TET1: variants seen among roughly 807,000 people sequenced by gnomAD.
TET1 encodes tet methylcytosine dioxygenase 1.
A neutral mutation model predicts 148.7 loss-of-function variants in TET1; 13 were observed. That is an observed-to-expected ratio of 0.09 (90% CI 0.06 to 0.14). TET1 has a LOEUF of 0.14. Ranked by LOEUF, TET1 falls within the 10% of genes least tolerant of loss-of-function variation. TET1 has a pLI of 1.00. For synonymous variants in TET1, 907 were observed against 937.2 expected (o/e 0.97, Z 0.59); for missense variants, 2,182 against 2,553.8 (o/e 0.85, Z 3.14).
chr10:68,689,312 A>G (rs1296660675), intron 11 of TET1, among the ~76,000 whole-genome samples: 1 of 152,196 alleles, frequency 6.6e-6, no homozygotes, highest in Non-Finnish European at 1.5e-5. Flanking sequence ...TTATATTATC[A>G]ATTTATTATA....
At chr10:68,649,957 A>AAAAGTTACT (rs2054907391) in intron 4 of TET1, among the ~76,000 whole-genome samples, 2 of 152,214 alleles carry the variant, frequency 1.3e-5, no homozygotes, top group Non-Finnish European at 2.9e-5. Context: ...CAGAGAAACA[A>AAAAGTTACT]AAAGTTACTT....
chr10:68,626,902 C>T (rs544723276), intron 3 of TET1, among the ~76,000 whole-genome samples: 1 of 152,096 alleles, frequency 6.6e-6, no homozygotes, highest in East Asian at 1.9e-4. Flanking sequence ...ATTCTATCGC[C>T]GAGGTTTAAA....
At chr10:68,651,672 A>C (rs1251655034) in intron 4 of TET1, among the ~76,000 whole-genome samples, 174 bp from the exon 5 acceptor site, 1 of 152,100 alleles carries the variant, frequency 6.6e-6, no homozygotes, top group East Asian at 1.9e-4. Flanking sequence ...AAGGAACATT[A>C]AAAGTTAAAT....
At chr10:68,606,953 C>T (rs908340985) in intron 3 of TET1, among the ~76,000 whole-genome samples, 2 of 152,132 alleles carry the variant, frequency 1.3e-5, no homozygotes, top group Admixed American at 1.3e-4. Context: ...AACTGTAATA[C>T]AGCATTTTGC....
intron 4 of TET1, among the ~76,000 whole-genome samples, chr10:68,650,025 G>A (rs1398733842): frequency 6.6e-6 from 1 of 152,158 alleles, no homozygotes; most frequent in Non-Finnish European, 1.5e-5. Context: ...TGAGGGTAAA[G>A]AATTTCCATG....
chr10:68,679,940 C>T (rs2055414240), intron 8 of TET1, among the ~76,000 whole-genome samples: 2 of 152,168 alleles, frequency 1.3e-5, no homozygotes, highest in Non-Finnish European at 2.9e-5. Context: ...TCCCAAAGTG[C>T]TGGGATTACA....
chr10:68,621,921 CT>C lies in TET1; in HGVS notation c.1968+20895del, dbSNP rs577660939. Among the ~76,000 whole-genome samples, 463 of 151,882 alleles carry C rather than the reference CT, an allele frequency of 3.0e-3. 2 individuals are homozygous for C. The highest frequency in any genetic ancestry group is 5.4e-3 in the Non-Finnish European group (367 of 67,930). ...TAAACTGAGATAGTTATATGTTTGTCTTTTTTTTATTTGGATATCATTTGAT... is the reference window on the plus strand; with the variant it reads ...TAAACTGAGATAGTTATATGTTTGTCTTTTTTTATTTGGATATCATTTGAT... On this transcript the variant is annotated intron_variant, in intron 3 of 11. Coordinates refer to ENST00000373644, the MANE Select transcript of TET1 (RefSeq NM_030625.3).
In TET1 at chr10:68,569,166, C is replaced by CTTTTTTTTTTTTTT. The variant is rs34385747; in HGVS notation, c.-122-3040_-122-3027dup. The stretch of plus-strand genomic sequence containing the variant: ...GCTGGATCTCCAGGCAGGAGAGTTT[C>CTTTTTTTTTTTTTT]TTTTTTTTTTTTTTTTTTTTTTTTG... On this transcript the variant is annotated intron_variant, in intron 1 of 11. Coordinates refer to ENST00000373644, the MANE Select transcript of TET1 (RefSeq NM_030625.3). Among the ~76,000 whole-genome samples the CTTTTTTTTTTTTTT allele has an allele frequency of 1.7e-3, 116 of 69,778 alleles. 4 individuals carry two copies. Among genetic ancestry groups the CTTTTTTTTTTTTTT allele is most frequent in the Non-Finnish European group, 2.4e-3 (92 of 37,796 alleles). The allele number at this position is 69,778 out of a possible 152,430, so 45.8% of individuals were successfully genotyped here. A position where few individuals can be genotyped will look rare whatever the true frequency, so the allele number is the denominator to read the frequency against.
At chr10:68,686,849 AAGTGACCCATC>A (rs2055518773) in intron 11 of TET1, 142 bp downstream of exon 11, 1 of 772,170 alleles carries the variant, frequency 1.3e-6, no homozygotes, top group Non-Finnish European at 2.0e-6. Flanking sequence ...GTCAACAAAA[AAGTGACCCATC>A]AGTATTTCTT....
intron 3 of TET1, among the ~76,000 whole-genome samples, chr10:68,615,595 C>A (rs147332610): frequency 9.2e-5 from 14 of 151,756 alleles, no homozygotes; most frequent in African/African-American, 3.1e-4. Context: ...ATCCACCTGC[C>A]TCGGCCTCCC....
chr10:68,626,641 C>T (rs948789757), intron 3 of TET1, among the ~76,000 whole-genome samples: 1 of 152,034 alleles, frequency 6.6e-6, no homozygotes, highest in African/African-American at 2.4e-5. Context: ...ACCTCTGCCT[C>T]CTGGGTTCAA....
At chr10:68,659,705 T>A (rs763329585) in intron 6 of TET1, among the ~76,000 whole-genome samples, 4 of 152,224 alleles carry the variant, frequency 2.6e-5, no homozygotes, top group Non-Finnish European at 5.9e-5. Context: ...TTAGTTTGTT[T>A]ACTTGCTTAT....
intron 2 of TET1, among the ~76,000 whole-genome samples, chr10:68,586,641 G>GTTT (rs34588085): frequency 7.0e-6 from 1 of 142,006 alleles, no homozygotes; most frequent in Non-Finnish European, 1.5e-5. Flanking sequence ...CCTCACATCA[G>GTTT]TTTTTTTTTT....
chr10:68,600,337 G>A (rs530891938), intron 2 of TET1, among the ~76,000 whole-genome samples: 94 of 152,254 alleles, frequency 6.2e-4, no homozygotes, highest in Non-Finnish European at 1.2e-3. Context: ...TCCAATGGTG[G>A]TGACCTGGGG....
At chr10:68,605,923 G>C (rs2054117222) in intron 3 of TET1, among the ~76,000 whole-genome samples, 1 of 152,188 alleles carries the variant, frequency 6.6e-6, no homozygotes, top group Non-Finnish European at 1.5e-5. Flanking sequence ...CTGAGGTCTT[G>C]CCGTGCTGCC....
Position 68,646,624 on chromosome 10 carries a change from T to C in TET1, c.3895T>C (p.Leu1299=). The change falls in exon 4 of 12, where the codon TTG becomes CTG. Residue 1299 remains leucine (L), a synonymous_variant. Transcript: ENST00000373644. ...GAATGCCAATCAGAAAGCCCATCCT[T>C]TGACCCAGCCCTCCTCTCCACCTAA... is the stretch of plus-strand genomic sequence containing the variant. The part of the protein sequence containing the change: ...TVNANQKAHP[L]TQPSSPPNQC... 1 of 1,614,172 alleles carries C rather than the reference T, an allele frequency of 6.2e-7. No homozygotes were observed. The highest frequency in any genetic ancestry group is 1.3e-5 in the African/African-American group (1 of 75,054).
At chr10:68,685,789 T>G (rs1248584245) in intron 10 of TET1, among the ~76,000 whole-genome samples, 3 of 152,156 alleles carry the variant, frequency 2.0e-5, no homozygotes, top group African/African-American at 7.2e-5. Context: ...TTTATTGATA[T>G]GGCTCCTCAC....
At chr10:68,680,201 A>G (rs1333665005) in intron 8 of TET1, among the ~76,000 whole-genome samples, 7 of 152,242 alleles carry the variant, frequency 4.6e-5, no homozygotes, top group Admixed American at 3.9e-4. Context: ...TTTGGCTTTT[A>G]TAATAATTTG....
intron 1 of TET1, among the ~76,000 whole-genome samples, chr10:68,569,201 C>T (rs1428279349): frequency 9.8e-6 from 1 of 101,934 alleles, no homozygotes; most frequent in African/African-American, 3.9e-5. Context: ...GAGATGGAGT[C>T]TAGCTCTGTC....
Sources: allele counts gnomAD v4.1 joint callset (sites outside exome capture counted in the v4.1 genomes callset), GRCh38; gene constraint gnomAD v4.1.1; transcripts MANE v1.5; gene names NCBI Gene and HGNC (gene_info 2026-07-23, HGNC 2026-07-21).